Variants in SEC14L3 observed in about 807,000 individuals in gnomAD.
The protein encoded by SEC14L3 is SEC14 like lipid binding 3, also known as SEC14-like protein 3.
In SEC14L3, 56 loss-of-function variants were observed where a neutral mutation model predicts 57.4. That is an observed-to-expected ratio of 0.97 (90% CI 0.79 to 1.22). SEC14L3 has a LOEUF of 1.22. Among genes scored for constraint, SEC14L3 ranks in the 50% most tolerant of loss-of-function variants. SEC14L3 has a pLI of 0.00. For synonymous variants in SEC14L3, 173 were observed against 194.4 expected, an observed-to-expected ratio of 0.89 and a Z score of 0.92; for missense variants, 485 against 511.7, an observed-to-expected ratio of 0.95 and a Z score of 0.50.
At position 30,464,878 on chromosome 22, in the gene SEC14L3, G is replaced by A. The variant is rs1014329429; in HGVS notation, c.606C>T (p.Tyr202=). ...VKATKLFPVG[Y]NLMKPFLSED... ...CACTCAGGAATGGCTTCATGAGGTT[G>A]TAGCCCACAGGGAACAGTTTGGTAG... Residue 202 remains tyrosine (Y), a synonymous_variant, in exon 8 of 12, where the codon TAC becomes TAT. Transcript: ENST00000215812. 1 of 1,614,120 alleles carries A rather than the reference G, an allele frequency of 6.2e-7. No homozygotes were observed. The highest frequency in any genetic ancestry group is 1.6e-4 in the Middle Eastern group (1 of 6,062).
intron 4 of SEC14L3, among the ~76,000 whole-genome samples, chr22:30,469,393 T>C (rs1300527289): frequency 2.6e-5 from 4 of 152,168 alleles, no homozygotes; most frequent in Non-Finnish European, 5.9e-5. Flanking sequence ...AGCTCCATTC[T>C]ACCTACTTTT....
exon 13 of SEC14L3, chr22:30,448,870 C>A: frequency 1.9e-6 from 1 of 529,442 alleles, no homozygotes; most frequent in Non-Finnish European, 3.4e-6. Flanking sequence ...CCAGCCTGGG[C>A]CACAAAGCAA....
intron 8 of SEC14L3, among the ~76,000 whole-genome samples, chr22:30,464,108 A>G (rs748959038): frequency 1.1e-4 from 17 of 152,188 alleles, no homozygotes; most frequent in Non-Finnish European, 2.1e-4. Flanking sequence ...TCCAGAATTC[A>G]TCAAATGCAT....
rs2269961 is a variant in SEC14L3 at position 30,464,843 on chromosome 22, C to T, written c.641G>A (p.Arg214His). 0.21 allele frequency: 342,787 copies of T among 1,612,918 alleles called. 37,741 individuals are homozygous for T. Among genetic ancestry groups the T allele is most frequent in the East Asian group, 0.3 (13,647 of 44,856 alleles). ...ACTTCCCAACACAATAATTTTCCTGCGAGTGTCCTCACTCAGGAATGGCTT... is the reference window on the plus strand; with the variant it reads ...ACTTCCCAACACAATAATTTTCCTGTGAGTGTCCTCACTCAGGAATGGCTT... Reference protein sequence around the residue: ...LMKPFLSEDTRRKIIVLGNNW... With the variant: ...LMKPFLSEDTHRKIIVLGNNW... The change falls in exon 8 of 12, where the codon CGC becomes CAC. Residue 214 changes from arginine to histidine, a missense_variant. Transcript: ENST00000215812.
At chr22:30,457,541 C>G (rs1473685398), downstream of SEC14L3, among the ~76,000 whole-genome samples, 1 of 151,938 alleles carries the variant, frequency 6.6e-6, no homozygotes, top group Admixed American at 6.6e-5. Flanking sequence ...TGCTACCTCC[C>G]CAGGCTAAAT....
At chr22:30,461,183 G>C in intron 11 of SEC14L3, 127 bp downstream of exon 11, 1 of 1,141,108 alleles carries the variant, frequency 8.8e-7, no homozygotes, top group Non-Finnish European at 1.2e-6. Context: ...ATGAATGAAT[G>C]GTGCTAACCT....
At chr22:30,455,052 CAATAT>C (rs1569225526), downstream of SEC14L3, among the ~76,000 whole-genome samples, 1 of 54,654 alleles carries the variant, frequency 1.8e-5, no homozygotes, top group Non-Finnish European at 2.8e-5. Context: ...AATAGATATA[CAATAT>C]ATTATATATA....
intron 8 of SEC14L3, among the ~76,000 whole-genome samples, chr22:30,463,898 C>G (rs1935340935): frequency 6.6e-6 from 1 of 152,098 alleles, no homozygotes; most frequent in African/African-American, 2.4e-5. Flanking sequence ...CTCTCACTAT[C>G]AACAAAAAAT....
intron 11 of SEC14L3, 126 bp from the exon 12 acceptor site, chr22:30,460,268 C>T (rs1935212166): frequency 6.7e-7 from 1 of 1,498,660 alleles, no homozygotes; most frequent in African/African-American, 1.4e-5. Context: ...GCCAAGCTCC[C>T]ACCACGCCTC....
At chr22:30,464,745 C>A in intron 8 of SEC14L3, 75 bp downstream of exon 8, 1 of 1,372,878 alleles carries the variant, frequency 7.3e-7, no homozygotes, top group South Asian at 1.2e-5. Flanking sequence ...GTGTGGAGTT[C>A]TAGATGGGGT....
At chr22:30,470,349 G>A (rs141634533) in intron 2 of SEC14L3, 94 bp from the exon 3 acceptor site, 28,567 of 1,589,248 alleles carry the variant, frequency 0.018, 322 homozygotes, top group Admixed American at 0.02. Context: ...GGGCCTGGGT[G>A]AGACCTTGCT....
downstream of SEC14L3, among the ~76,000 whole-genome samples, chr22:30,454,806 T>TATA (rs1935065568): frequency 4.2e-5 from 2 of 47,166 alleles, no homozygotes; most frequent in African/African-American, 1.3e-4. Flanking sequence ...TTGTATATTA[T>TATA]ATATTTTATA....
chr22:30,452,640 T>G (rs1935010324), intron 12 of SEC14L3, among the ~76,000 whole-genome samples: 1 of 152,034 alleles, frequency 6.6e-6, no homozygotes, highest in Non-Finnish European at 1.5e-5. Context: ...GGGAGACAGA[T>G]TTGAGCTGGA....
chr22:30,456,915 A>T (rs1368548607), downstream of SEC14L3, among the ~76,000 whole-genome samples: 2 of 152,188 alleles, frequency 1.3e-5, no homozygotes, highest in African/African-American at 4.8e-5. Context: ...GCGGATGCTG[A>T]TGGGCACTTT....
At chr22:30,454,095 T>C (rs1021301753) in intron 12 of SEC14L3, among the ~76,000 whole-genome samples, 54 of 152,298 alleles carry the variant, frequency 3.5e-4, no homozygotes, top group African/African-American at 1.2e-3. Flanking sequence ...TCACCCTAGC[T>C]GTCCTGTACA....
At position 30,468,538 on chromosome 22, in the gene SEC14L3, G is replaced by A; in HGVS notation, c.393C>T (p.Ile131=). 8.1e-6 allele frequency: 13 copies of A among 1,613,756 alleles called. No individual in the cohort carries two copies. The highest frequency in any genetic ancestry group is 1.1e-5 in the Non-Finnish European group (13 of 1,179,952). ...CTGTCTGCAGGTCACACTCATGCAG[G>A]ATGCGCTCACAGTCCCTCATCTTGG... ...LKTKMRDCER[I]LHECDLQTER... The change falls in exon 5 of 12, where the codon ATC becomes ATT. Residue 131 remains isoleucine, a synonymous_variant. Transcript: ENST00000215812.
In SEC14L3 at chr22:30,466,341, G is replaced by A. The variant is rs1683668587; in HGVS notation, c.573C>T (p.Ile191=). 4 of 1,613,910 alleles carry A rather than the reference G, an allele frequency of 2.5e-6. No homozygotes were observed. Among genetic ancestry groups the A allele is most frequent in the South Asian group, 1.1e-5 (1 of 91,042 alleles). Residue 191 remains isoleucine, a synonymous_variant, in exon 7 of 12, where the codon ATC becomes ATT. Transcript: ENST00000215812. ...AAGTCATTTGTCACATACCTTTCACGATGAGCATGAACTTCAGGGTCTCTG... is the reference window on the plus strand; with the variant it reads ...AAGTCATTTGTCACATACCTTTCACAATGAGCATGAACTTCAGGGTCTCTG... The part of the protein sequence containing the change: ...NYPETLKFML[I]VKATKLFPVG...
chr22:30,452,188 C>T (rs1348859703), intron 12 of SEC14L3, among the ~76,000 whole-genome samples: 1 of 151,210 alleles, frequency 6.6e-6, no homozygotes, highest in Non-Finnish European at 1.5e-5. Context: ...ACATGCGATC[C>T]ATGAGGAGGC....
At chr22:30,470,286 A>G (rs1463708858) in intron 2 of SEC14L3, 31 bp from the exon 3 acceptor site, 2 of 1,609,574 alleles carry the variant, frequency 1.2e-6, no homozygotes, top group East Asian at 4.5e-5. Flanking sequence ...GGTGTGAGAC[A>G]GGAAAGATGC....
Sources: gnomAD v4.1 joint callset for allele counts (sites outside exome capture counted in the v4.1 genomes callset) on GRCh38, gnomAD v4.1.1 for gene constraint, MANE v1.5 for transcripts, NCBI Gene and HGNC (gene_info 2026-07-23, HGNC 2026-07-21) for gene names.